Variants in SUPT3H observed in about 807,000 individuals in gnomAD.
SUPT3H encodes the protein transcription initiation protein SPT3 homolog.
A neutral mutation model predicts 44.3 loss-of-function variants in SUPT3H; 44 were observed. The observed-to-expected ratio is 0.99, with a 90% CI of 0.78 to 1.28. SUPT3H has a LOEUF of 1.28. Ranked by LOEUF, SUPT3H falls within the 50% of genes most tolerant of loss-of-function variation. The probability of loss-of-function intolerance (pLI) is 0.00; values close to 1 mark genes in which losing one functional copy is unlikely to be tolerated. For missense variants in SUPT3H, 380 were observed against 387.1 expected (o/e 0.98, Z 0.15); for synonymous variants, 124 against 125.6 (o/e 0.99, Z 0.09).
At chr6:45,135,780 G>A (rs1011422598) in intron 2 of SUPT3H, among the ~76,000 whole-genome samples, 1 of 152,128 alleles carries the variant, frequency 6.6e-6, no homozygotes, top group Non-Finnish European at 1.5e-5. Context: ...CTAACTTCCG[G>A]AACTATGAGA....
chr6:45,104,146 T>G (rs990091041), intron 3 of SUPT3H, among the ~76,000 whole-genome samples: 8 of 152,044 alleles, frequency 5.3e-5, no homozygotes, highest in African/African-American at 1.9e-4. Flanking sequence ...ATAATGAGCA[T>G]GGGAAATGGT....
chr6:45,258,298 T>G (rs72858523), intron 2 of SUPT3H, among the ~76,000 whole-genome samples: 1 of 152,124 alleles, frequency 6.6e-6, no homozygotes, highest in African/African-American at 2.4e-5. Flanking sequence ...GGGAAAAGGG[T>G]TAAAAGTCCA....
chr6:45,096,882 T>G (rs2153566173), intron 3 of SUPT3H, among the ~76,000 whole-genome samples: 1 of 152,290 alleles, frequency 6.6e-6, no homozygotes, highest in South Asian at 2.1e-4. Flanking sequence ...AGGTGCTATA[T>G]TCAATCTTGA....
intron 2 of SUPT3H, among the ~76,000 whole-genome samples, chr6:45,304,438 A>T (rs952713860): frequency 6.6e-6 from 1 of 152,156 alleles, no homozygotes. Flanking sequence ...ATATGTAATA[A>T]ATTTTTCCAC....
chr6:45,247,900 G>C (rs1311537248), intron 2 of SUPT3H, among the ~76,000 whole-genome samples: 1 of 152,078 alleles, frequency 6.6e-6, no homozygotes, highest in African/African-American at 2.4e-5. Flanking sequence ...CAGAATAGAA[G>C]GTGCAGAAAT....
chr6:45,267,643 C>T (rs1327040039), intron 2 of SUPT3H, among the ~76,000 whole-genome samples: 3 of 152,134 alleles, frequency 2.0e-5, no homozygotes, highest in African/African-American at 7.2e-5. Context: ...CAATATACAC[C>T]ATCTACATCC....
intron 9 of SUPT3H, among the ~76,000 whole-genome samples, chr6:44,947,378 A>G (rs1562108573): frequency 6.6e-6 from 1 of 152,194 alleles, no homozygotes. Flanking sequence ...AATCAATCAC[A>G]TAAACAGACT....
intron 5 of SUPT3H, among the ~76,000 whole-genome samples, chr6:45,008,722 T>G (rs1002811884): frequency 3.9e-5 from 6 of 152,038 alleles, no homozygotes; most frequent in African/African-American, 1.5e-4. Context: ...TGGTTTTGAT[T>G]TGCATTTCTC....
At chr6:45,014,492 T>C (rs547239996) in intron 5 of SUPT3H, among the ~76,000 whole-genome samples, 86 of 152,218 alleles carry the variant, frequency 5.6e-4, no homozygotes, top group South Asian at 5.4e-3. Context: ...CTGGTATTGA[T>C]TGGAATTCCG....
chr6:44,934,454 C>T (rs1216980975), intron 9 of SUPT3H, among the ~76,000 whole-genome samples: 1 of 152,214 alleles, frequency 6.6e-6, no homozygotes, highest in East Asian at 1.9e-4. Flanking sequence ...TCCTATGGAG[C>T]TATCTCTAAG....
At chr6:45,026,781 G>A (rs190293641) in intron 3 of SUPT3H, among the ~76,000 whole-genome samples, 2,671 of 152,080 alleles carry the variant, frequency 0.018, 52 homozygotes, top group South Asian at 0.086. Context: ...AAGATTTAGT[G>A]TTCTTAGACA....
chr6:45,069,892 T>G (rs1233960488), intron 3 of SUPT3H, among the ~76,000 whole-genome samples: 1 of 152,060 alleles, frequency 6.6e-6, no homozygotes, highest in Non-Finnish European at 1.5e-5. Flanking sequence ...TCCCTTCCAC[T>G]GATATAAATA....
At chr6:45,118,858 G>T (rs549024723) in intron 2 of SUPT3H, among the ~76,000 whole-genome samples, 13 of 152,246 alleles carry the variant, frequency 8.5e-5, no homozygotes, top group Middle Eastern at 3.4e-3. Context: ...TTTGGCCAAT[G>T]GGATATTATT....
intron 2 of SUPT3H, among the ~76,000 whole-genome samples, chr6:45,281,753 C>A (rs753740369): frequency 6.6e-6 from 1 of 152,136 alleles, no homozygotes; most frequent in African/African-American, 2.4e-5. Flanking sequence ...GTTCTCCCAG[C>A]ACCCAGCTGG....
intron 3 of SUPT3H, among the ~76,000 whole-genome samples, chr6:45,067,757 T>A (rs374168298): frequency 0.063 from 8,775 of 140,222 alleles, 903 homozygotes; most frequent in African/African-American, 0.22. Context: ...TCAAAACCAC[T>A]ATGAGATACC....
intron 2 of SUPT3H, among the ~76,000 whole-genome samples, chr6:45,276,413 A>G (rs1777027724): frequency 6.6e-6 from 1 of 152,098 alleles, no homozygotes; most frequent in Non-Finnish European, 1.5e-5. Flanking sequence ...ATGCACTAAA[A>G]TAGTTATTGT....
intron 2 of SUPT3H, among the ~76,000 whole-genome samples, chr6:45,169,718 T>C (rs1030271976): frequency 1.3e-5 from 2 of 152,228 alleles, no homozygotes; most frequent in African/African-American, 2.4e-5. Context: ...GCAACGTTAA[T>C]AAATCTAAGA....
intron 2 of SUPT3H, among the ~76,000 whole-genome samples, chr6:45,249,142 A>G (rs1009362208): frequency 1.0e-3 from 153 of 152,334 alleles, no homozygotes; most frequent in African/African-American, 3.4e-3. Flanking sequence ...TTTCCCAGAT[A>G]TAAGAATATT....
intron 2 of SUPT3H, among the ~76,000 whole-genome samples, chr6:45,237,676 A>C (rs538365476): frequency 6.6e-6 from 1 of 152,330 alleles, no homozygotes; most frequent in South Asian, 2.1e-4. Flanking sequence ...TTAACAGATA[A>C]GCCAATTTGG....
Sources: allele counts gnomAD v4.1 joint callset (sites outside exome capture counted in the v4.1 genomes callset), GRCh38; gene constraint gnomAD v4.1.1; transcripts MANE v1.5; gene names NCBI Gene and HGNC (gene_info 2026-07-23, HGNC 2026-07-21).